Variants in PHF21A observed in about 807,000 individuals in gnomAD.
PHF21A encodes PHD finger protein 21A, also known as BHC80a.
PHF21A carries 11 observed loss-of-function variants against 82.5 expected under a neutral mutation model. That is an observed-to-expected ratio of 0.13 (90% CI 0.08 to 0.22). The LOEUF (loss-of-function observed/expected upper bound fraction) is 0.22, where lower values mean the gene tolerates loss of function less well. Ranked by LOEUF, PHF21A falls within the 10% of genes least tolerant of loss-of-function variation. PHF21A has a pLI of 1.00. For missense variants in PHF21A, 579 were observed against 837.8 expected (o/e 0.69, Z 3.81); for synonymous variants, 297 against 302.8 (o/e 0.98, Z 0.20).
rs1439610284 is a variant in PHF21A at position 45,971,176 on chromosome 11, A to C, written c.552T>G (p.Ser184Arg). Residue 184 changes from serine to arginine, a missense_variant, in exon 8 of 19, where the codon AGT becomes AGG. Ser to Arg is a moderately radical substitution (Grantham distance 110, BLOSUM62 -1). Coordinates refer to ENST00000676320, the MANE Select transcript of PHF21A (RefSeq NM_001352027.3). ...CCTCTGCCCCAGGCCCAGTGACCTT[A>C]CTAGACGTCTGGAGGTTGACTGGTG... Reference protein sequence around the residue: ...QNTPVNLQTSSKVTGPGAEAV... With the variant: ...QNTPVNLQTSRKVTGPGAEAV... 1 of 1,614,164 alleles carries C rather than the reference A, an allele frequency of 6.2e-7. No individual in the cohort carries two copies. The highest frequency in any genetic ancestry group is 1.3e-5 in the African/African-American group (1 of 75,032).
chr11:46,056,251 A>G (rs940682916), intron 6 of PHF21A, among the ~76,000 whole-genome samples: 1 of 152,150 alleles, frequency 6.6e-6, no homozygotes, highest in Admixed American at 6.6e-5. Flanking sequence ...CTTTCTCAAG[A>G]GAGTCAATAA....
In PHF21A at chr11:46,043,179, C is replaced by T. The variant is rs1240412129; in HGVS notation, c.153+33575G>A. The stretch of plus-strand genomic sequence containing the variant: ...TAAGAAATTCAATCAATGTAAAGTA[C>T]ACTTTAAATAATAATTAAGCAGAAA... On this transcript the variant is annotated intron_variant, in intron 6 of 18. Transcript: ENST00000676320. 2.6e-5 allele frequency among the ~76,000 whole-genome samples: 4 copies of T among 152,080 alleles called. No homozygotes were observed. The East Asian group carries it at 5.8e-4, about 22-fold the overall frequency.
chr11:45,943,168 G>C (rs1238899863), intron 15 of PHF21A, among the ~76,000 whole-genome samples: 1 of 135,238 alleles, frequency 7.4e-6, no homozygotes, highest in Non-Finnish European at 1.5e-5. Context: ...TGTCACCCAG[G>C]CCGGAGTGCA....
At position 46,100,743 on chromosome 11, in the gene PHF21A, C is replaced by A. The variant is rs1438910231; in HGVS notation, c.-236-8520G>T. Among the ~76,000 whole-genome samples, 3 of 152,122 alleles carry A rather than the reference C, an allele frequency of 2.0e-5. No homozygotes were observed. The South Asian group carries it at 6.2e-4, about 31-fold the overall frequency. On this transcript the variant is annotated intron_variant, in intron 1 of 18. Transcript: ENST00000676320. Reference sequence around the variant, plus strand: ...TGGGTCTAATTTAAACTAATGCAACCAAATAAATTCAGAAATAAGTCTACC... The same window carrying A: ...TGGGTCTAATTTAAACTAATGCAACAAAATAAATTCAGAAATAAGTCTACC...
At chr11:46,113,556 G>A (rs1444915245) in intron 1 of PHF21A, among the ~76,000 whole-genome samples, 4 of 152,128 alleles carry the variant, frequency 2.6e-5, no homozygotes, top group East Asian at 1.9e-4. Context: ...TTGGCCGGGC[G>A]CGGTGGCTCA....
At position 45,945,958 on chromosome 11, in the gene PHF21A, G is replaced by A. The variant is rs201263397; in HGVS notation, c.1334C>T (p.Thr445Ile). ...YNAVLGFGAL[T>I]PTSPQSSHPD... ...ATGACTGGATTGGGGGGATGTTGGG[G>A]TAAGGGCTCCAAACCCCAGCACTGC... Residue 445 changes from threonine (T) to isoleucine (I), a missense_variant, in exon 15 of 19, where the codon ACC becomes ATC. Transcript: ENST00000676320. The A allele has an allele frequency of 6.2e-7, 1 of 1,613,754 alleles. No individual in the cohort carries two copies. Among genetic ancestry groups the A allele is most frequent in the East Asian group, 2.2e-5 (1 of 44,870 alleles).
chr11:45,946,213 G>C, intron 14 of PHF21A: 1 of 1,104,094 alleles, frequency 9.1e-7, no homozygotes. Flanking sequence ...ACTCTCAAGA[G>C]AAGGGAGGAT....
At chr11:46,115,393 T>C (rs1003294240) in intron 1 of PHF21A, among the ~76,000 whole-genome samples, 2 of 152,140 alleles carry the variant, frequency 1.3e-5, no homozygotes, top group Admixed American at 1.3e-4. Flanking sequence ...AACACACATA[T>C]AAGAATTATA....
intron 6 of PHF21A, among the ~76,000 whole-genome samples, chr11:46,021,194 G>A (rs2095623741): frequency 6.6e-6 from 1 of 151,928 alleles, no homozygotes; most frequent in Non-Finnish European, 1.5e-5. Flanking sequence ...AGAGCAGCTG[G>A]AACTACAGGT....
chr11:46,104,675 A>G (rs2097134968), intron 1 of PHF21A, among the ~76,000 whole-genome samples: 1 of 152,194 alleles, frequency 6.6e-6, no homozygotes, highest in South Asian at 2.1e-4. Context: ...TAATAACAAT[A>G]ATAATGATAA....
chr11:46,010,204 G>GA (rs771261232), intron 6 of PHF21A, among the ~76,000 whole-genome samples: 4 of 152,146 alleles, frequency 2.6e-5, no homozygotes, highest in Non-Finnish European at 5.9e-5. Context: ...CATTTCTAAA[G>GA]AAAATTAATA....
At position 46,090,436 on chromosome 11, in the gene PHF21A, C is replaced by T. The variant is rs751722849; in HGVS notation, c.-84+19G>A. 1 of 151,976 alleles carries T rather than the reference C, an allele frequency of 6.6e-6. No homozygotes were observed. The highest frequency in any genetic ancestry group is 1.5e-5 in the Non-Finnish European group (1 of 67,980). The allele number at this position is 151,976 out of a possible 1,614,324, so 9.4% of individuals were successfully genotyped here. On this transcript the variant is annotated intron_variant, in intron 3 of 18. Coordinates refer to ENST00000676320, the MANE Select transcript of PHF21A (RefSeq NM_001352027.3). ...GGAAGAACTAAGGATAAGAGTCGTA[C>T]AAAAAAGGAATGGGTTACCTTATGA...
intron 10 of PHF21A, among the ~76,000 whole-genome samples, chr11:45,958,015 A>G (rs537951468): frequency 2.6e-5 from 4 of 152,212 alleles, no homozygotes; most frequent in South Asian, 4.1e-4. Context: ...ACTAGACAAC[A>G]TAGATGCAAT....
At chr11:45,965,165 C>A in intron 10 of PHF21A, 150 bp downstream of exon 10, 5 of 680,916 alleles carry the variant, frequency 7.3e-6, no homozygotes, top group Non-Finnish European at 1.2e-5. Context: ...CCCTTCTGCA[C>A]GTGGATGAAT....
At chr11:45,946,905 G>A (rs2091385429) in intron 14 of PHF21A, among the ~76,000 whole-genome samples, 1 of 152,224 alleles carries the variant, frequency 6.6e-6, no homozygotes, top group African/African-American at 2.4e-5. Flanking sequence ...TGAGAGGCAT[G>A]TTCTGGGAGT....
At chr11:46,045,438 GT>G (rs1474802420) in intron 6 of PHF21A, among the ~76,000 whole-genome samples, 1 of 152,140 alleles carries the variant, frequency 6.6e-6, no homozygotes, top group African/African-American at 2.4e-5. Context: ...GAACAGAGAG[GT>G]TGTCTGATCC....
chr11:46,118,177 A>G (rs1323625922), intron 1 of PHF21A: 1 of 152,172 alleles, frequency 6.6e-6, no homozygotes, highest in African/African-American at 2.4e-5. Context: ...CATCACTTAT[A>G]CCTTCTAAAA....
chr11:46,088,863 T>C (rs2096888004), intron 3 of PHF21A, among the ~76,000 whole-genome samples: 1 of 152,178 alleles, frequency 6.6e-6, no homozygotes, highest in Admixed American at 6.5e-5. Context: ...GGTATACTTC[T>C]GCTTGAAGAT....
At chr11:45,944,096 C>A (rs200291138) in intron 15 of PHF21A, among the ~76,000 whole-genome samples, 72 of 152,232 alleles carry the variant, frequency 4.7e-4, no homozygotes, top group East Asian at 2.5e-3. Flanking sequence ...GCAGGAAAAA[C>A]AAAGTGTCAC....
Sources: gnomAD v4.1 joint callset for allele counts (sites outside exome capture counted in the v4.1 genomes callset) on GRCh38, gnomAD v4.1.1 for gene constraint, MANE v1.5 for transcripts, NCBI Gene and HGNC (gene_info 2026-07-23, HGNC 2026-07-21) for gene names.